PHLDB2: variants seen among roughly 807,000 people sequenced by gnomAD.
PHLDB2 encodes pleckstrin homology like domain family B member 2.
In PHLDB2, 71 loss-of-function variants were observed where a neutral mutation model predicts 123.6. The observed-to-expected ratio is 0.57, with a 90% CI of 0.47 to 0.70. PHLDB2 has a LOEUF of 0.70. Among genes scored for constraint, PHLDB2 ranks in the 30% least tolerant of loss-of-function variants. PHLDB2 has a pLI of 0.00. For synonymous variants in PHLDB2, 547 were observed against 541.6 expected, an observed-to-expected ratio of 1.01 and a Z score of -0.14; for missense variants, 1,446 against 1,519.5, an observed-to-expected ratio of 0.95 and a Z score of 0.80.
intron 1 of PHLDB2, among the ~76,000 whole-genome samples, chr3:111,831,602 T>C (rs1269700607): frequency 3.3e-5 from 5 of 152,194 alleles, no homozygotes; most frequent in African/African-American, 4.8e-5. Context: ...ATATTTAATA[T>C]GTCTCAATAC....
At chr3:111,889,247 C>T (rs1046711271) in intron 2 of PHLDB2, among the ~76,000 whole-genome samples, 14 of 152,052 alleles carry the variant, frequency 9.2e-5, no homozygotes, top group Admixed American at 8.5e-4. Flanking sequence ...ACTGATGAAA[C>T]AAGGAAAAGA....
chr3:111,963,873 C>T (rs1210156756), intron 13 of PHLDB2, among the ~76,000 whole-genome samples: 4 of 152,194 alleles, frequency 2.6e-5, no homozygotes, highest in South Asian at 2.1e-4. Context: ...TATCAAAATA[C>T]ACATTCCAAA....
upstream of PHLDB2, among the ~76,000 whole-genome samples, chr3:111,857,565 G>A (rs960733361): frequency 2.6e-5 from 4 of 152,146 alleles, no homozygotes; most frequent in African/African-American, 9.7e-5. Context: ...ACGTGGGTGA[G>A]AAAAGAACAT....
intron 1 of PHLDB2, among the ~76,000 whole-genome samples, chr3:111,767,030 CAAAAAAAAAAAA>C (rs5851783): frequency 7.9e-4 from 50 of 63,036 alleles, no homozygotes; most frequent in African/African-American, 2.7e-3. Flanking sequence ...GACTTCATCT[CAAAAAAAAAAAA>C]AAAAAAAAAA....
chr3:111,832,747 TAATAGAATTATA>T (rs1199733389), intron 1 of PHLDB2, among the ~76,000 whole-genome samples: 10 of 36,774 alleles, frequency 2.7e-4, no homozygotes, highest in Non-Finnish European at 3.5e-4. Context: ...ATAATATATA[TAATAGAATTATA>T]CATATAATAT....
chr3:111,974,415 A>T lies in PHLDB2; in HGVS notation c.3622-8A>T, dbSNP rs1221544539. Reference sequence around the variant, plus strand: ...ATTTTACATTCTTTTTCCTTTTTTGAATTTTAGAGTCCTAATCCGTTACTC... The same window carrying T: ...ATTTTACATTCTTTTTCCTTTTTTGTATTTTAGAGTCCTAATCCGTTACTC... On this transcript the variant is annotated splice_polypyrimidine_tract_variant and splice_region_variant and intron_variant, in intron 17 of 17. Transcript: ENST00000431670. 3.8e-6 allele frequency: 6 copies of T among 1,576,544 alleles called. No homozygotes were observed. The highest frequency in any genetic ancestry group is 3.7e-5 in the Admixed American group (2 of 53,460).
In PHLDB2 at chr3:111,760,137, T is replaced by C. The variant is rs1368999267; in HGVS notation, c.-49+27434T>C. 2.0e-5 allele frequency among the ~76,000 whole-genome samples: 3 copies of C among 152,254 alleles called. No homozygotes were observed. The East Asian group carries it at 5.8e-4, about 29-fold the overall frequency. ...AATACTTCTTGCCTTCATGTGCATGTTGCTAACCCATATTCCTGACTGATA... is the reference window on the plus strand; with the variant it reads ...AATACTTCTTGCCTTCATGTGCATGCTGCTAACCCATATTCCTGACTGATA... On this transcript the variant is annotated intron_variant, in intron 1 of 17. Coordinates refer to the PHLDB2 transcript ENST00000393923.
chr3:111,739,517 T>C (rs2059562282), intron 1 of PHLDB2, among the ~76,000 whole-genome samples: 1 of 144,790 alleles, frequency 6.9e-6, no homozygotes, highest in African/African-American at 2.5e-5. Context: ...GAGGAGAAGA[T>C]GACATTATAA....
At chr3:111,922,980 G>A (rs1483422944) in intron 5 of PHLDB2, among the ~76,000 whole-genome samples, 1 of 152,052 alleles carries the variant, frequency 6.6e-6, no homozygotes, top group African/African-American at 2.4e-5. Context: ...CCTGGGGTCA[G>A]TTTCTCTCTC....
chr3:111,805,552 C>G (rs1409712050), intron 1 of PHLDB2, among the ~76,000 whole-genome samples: 1 of 149,164 alleles, frequency 6.7e-6, no homozygotes, highest in Non-Finnish European at 1.5e-5. Flanking sequence ...CAGAGCAACA[C>G]TCCGTCTCAA....
At chr3:111,920,468 T>G in intron 5 of PHLDB2, 49 bp downstream of exon 5, 1 of 1,584,588 alleles carries the variant, frequency 6.3e-7, no homozygotes, top group South Asian at 1.2e-5. Flanking sequence ...AAAGTGGTGG[T>G]CCCAGTTGAT....
chr3:111,797,317 A>C (rs2061199595), intron 1 of PHLDB2, among the ~76,000 whole-genome samples: 1 of 152,206 alleles, frequency 6.6e-6, no homozygotes, highest in Non-Finnish European at 1.5e-5. Flanking sequence ...AAAGATGTGG[A>C]ACTTTGAATG....
At chr3:111,754,820 T>A (rs13092097) in intron 1 of PHLDB2, among the ~76,000 whole-genome samples, 53,911 of 124,366 alleles carry the variant, frequency 0.43, 11,664 homozygotes, top group African/African-American at 0.55. Context: ...TTTGAGATAC[T>A]TCCCATCAAT....
At chr3:111,811,504 A>G (rs1318756767) in intron 1 of PHLDB2, among the ~76,000 whole-genome samples, 5 of 152,132 alleles carry the variant, frequency 3.3e-5, no homozygotes, top group Non-Finnish European at 7.4e-5. Context: ...CAGTTTATTT[A>G]TTATTAATAA....
At chr3:111,804,624 G>C (rs1189442199) in intron 1 of PHLDB2, among the ~76,000 whole-genome samples, 1 of 152,144 alleles carries the variant, frequency 6.6e-6, no homozygotes, top group Non-Finnish European at 1.5e-5. Flanking sequence ...TGACTAATAG[G>C]TTTCTACTTT....
intron 1 of PHLDB2, among the ~76,000 whole-genome samples, chr3:111,770,754 TCTTA>T (rs1166968143): frequency 2.6e-4 from 39 of 152,158 alleles, no homozygotes; most frequent in African/African-American, 9.4e-4. Flanking sequence ...AAAGTAAAAA[TCTTA>T]CTTCTCAGTT....
chr3:111,815,314 G>C (rs751021614), intron 1 of PHLDB2, among the ~76,000 whole-genome samples: 4 of 152,140 alleles, frequency 2.6e-5, no homozygotes, highest in Non-Finnish European at 4.4e-5. Context: ...TTTGGAATTG[G>C]GTAACAGGCA....
chr3:111,921,039 G>T (rs866197365), intron 5 of PHLDB2, among the ~76,000 whole-genome samples: 3 of 152,174 alleles, frequency 2.0e-5, no homozygotes, highest in Non-Finnish European at 4.4e-5. Context: ...TCTTGGAAAA[G>T]GTTCTGTGTA....
At chr3:111,814,931 G>A (rs906379177) in intron 1 of PHLDB2, among the ~76,000 whole-genome samples, 7 of 152,172 alleles carry the variant, frequency 4.6e-5, no homozygotes, top group African/African-American at 9.7e-5. Flanking sequence ...CAGTTCCCAC[G>A]TAGTGTGGGA....
Sources: allele counts gnomAD v4.1 joint callset (sites outside exome capture counted in the v4.1 genomes callset), GRCh38; gene constraint gnomAD v4.1.1; transcripts MANE v1.5; gene names NCBI Gene and HGNC (gene_info 2026-07-23, HGNC 2026-07-21).